Variants in CTNNA3 observed in about 807,000 individuals in gnomAD.
CTNNA3 encodes catenin alpha 3.
CTNNA3 carries 76 observed loss-of-function variants against 95.7 expected under a neutral mutation model. That is an observed-to-expected ratio of 0.79 (90% CI 0.66 to 0.96). The LOEUF is 0.96. CTNNA3 is among the 40% of genes least tolerant of loss of function. The pLI is 0.00. For synonymous variants in CTNNA3, 431 were observed against 374.4 expected (o/e 1.15, Z -1.74); for missense variants, 1,191 against 1,089.8 (o/e 1.09, Z -1.31).
At chr10:66,063,832 T>C (rs1231876822) in intron 15 of CTNNA3, among the ~76,000 whole-genome samples, 1 of 152,146 alleles carries the variant, frequency 6.6e-6, no homozygotes, top group Non-Finnish European at 1.5e-5. Flanking sequence ...ATGCATATAA[T>C]GCATATAATT....
At chr10:66,382,666 G>T (rs1017774697) in intron 11 of CTNNA3, among the ~76,000 whole-genome samples, 5 of 152,182 alleles carry the variant, frequency 3.3e-5, no homozygotes, top group Non-Finnish European at 5.9e-5. Context: ...GCCTAACTGG[G>T]AGACACCTCC....
intron 5 of CTNNA3, among the ~76,000 whole-genome samples, chr10:67,233,180 C>T (rs1865301055): frequency 6.6e-6 from 1 of 152,238 alleles, no homozygotes; most frequent in African/African-American, 2.4e-5. Context: ...ATCTACAGAA[C>T]TCTCCACCCC....
rs571378268 is a variant in CTNNA3 at position 66,123,184 on chromosome 10, T to C, written c.1885-19935A>G. ...AATCAAAGGCAAGTTAGTTACTTCC[T>C]AGAAACAATGGAGGTTCAGGCATTG... is the stretch of plus-strand genomic sequence containing the variant. On this transcript the variant is annotated intron_variant, in intron 13 of 17. Transcript: ENST00000433211. Among the ~76,000 whole-genome samples the C allele has an allele frequency of 4.6e-5, 7 of 152,298 alleles. No individual in the cohort carries two copies. The South Asian group carries it at 1.4e-3, about 32-fold the overall frequency.
At chr10:66,819,723 TACAA>T (rs1842231548) in intron 7 of CTNNA3, among the ~76,000 whole-genome samples, 1 of 152,268 alleles carries the variant, frequency 6.6e-6, no homozygotes, top group African/African-American at 2.4e-5. Context: ...AAATGGTCAA[TACAA>T]ACAGATACTC....
chr10:67,161,557 A>G (rs1468031743), intron 7 of CTNNA3, among the ~76,000 whole-genome samples: 1 of 152,016 alleles, frequency 6.6e-6, no homozygotes, highest in Non-Finnish European at 1.5e-5. Context: ...CTATAGACAC[A>G]TCAAAAAAGA....
intron 7 of CTNNA3, among the ~76,000 whole-genome samples, chr10:67,113,529 G>A (rs947320945): frequency 2.0e-5 from 3 of 152,210 alleles, no homozygotes; most frequent in South Asian, 2.1e-4. Flanking sequence ...TCAGGTGATC[G>A]GTTAGAGTCC....
intron 1 of CTNNA3, among the ~76,000 whole-genome samples, chr10:67,676,680 T>C (rs147895881): frequency 1.4e-4 from 21 of 152,288 alleles, no homozygotes; most frequent in Middle Eastern, 3.4e-3. Context: ...TGATGGAAGC[T>C]GACTCCCCAT....
At chr10:66,413,287 C>T (rs2093122570) in intron 11 of CTNNA3, among the ~76,000 whole-genome samples, 1 of 152,008 alleles carries the variant, frequency 6.6e-6, no homozygotes, top group African/African-American at 2.4e-5. Flanking sequence ...ATCTCAGGTA[C>T]CACTCCGGAT....
chr10:66,396,137 A>T (rs1436383712), intron 11 of CTNNA3, among the ~76,000 whole-genome samples: 1 of 152,042 alleles, frequency 6.6e-6, no homozygotes, highest in Non-Finnish European at 1.5e-5. Context: ...TAATGGCTGC[A>T]TAGTATTCCA....
chr10:66,268,867 T>C lies in CTNNA3; in HGVS notation c.1884+11603A>G, dbSNP rs546161016. Among the ~76,000 whole-genome samples the C allele has an allele frequency of 2.6e-5, 4 of 152,288 alleles. No individual in the cohort carries two copies. In the East Asian group the frequency reaches 5.8e-4, roughly 22 times the overall value. On this transcript the variant is annotated intron_variant, in intron 13 of 17. Transcript: ENST00000433211. ...CTGCAGTGACATGGAGGCCAGCTTA[T>C]ACAGATGGCAAAATCACAAGATTGA...
At chr10:67,037,662 T>C (rs556319759) in intron 7 of CTNNA3, among the ~76,000 whole-genome samples, 2 of 152,270 alleles carry the variant, frequency 1.3e-5, no homozygotes, top group African/African-American at 4.8e-5. Context: ...AGGAACTAAG[T>C]AGAAAGTTAC....
intron 5 of CTNNA3, among the ~76,000 whole-genome samples, chr10:67,326,736 G>T (rs1841553209): frequency 6.6e-6 from 1 of 152,140 alleles, no homozygotes; most frequent in African/African-American, 2.4e-5. Context: ...GTATCTTAGG[G>T]GTTCTCTGCA....
chr10:66,948,427 T>C (rs774745451), intron 7 of CTNNA3, among the ~76,000 whole-genome samples: 2 of 152,162 alleles, frequency 1.3e-5, no homozygotes, highest in African/African-American at 2.4e-5. Flanking sequence ...CGTAACAACA[T>C]GGAGATGCGT....
chr10:65,986,380 T>C (rs779599071), intron 16 of CTNNA3, among the ~76,000 whole-genome samples: 27 of 145,900 alleles, frequency 1.9e-4, no homozygotes, highest in Non-Finnish European at 3.3e-4. Flanking sequence ...TTGAAGGATA[T>C]CAAATCAACC....
chr10:67,228,575 T>G (rs1326371621), intron 5 of CTNNA3, among the ~76,000 whole-genome samples: 2 of 151,904 alleles, frequency 1.3e-5, no homozygotes, highest in South Asian at 2.1e-4. Flanking sequence ...ATCGTGCCAC[T>G]GCACTCCAGC....
intron 10 of CTNNA3, among the ~76,000 whole-genome samples, chr10:66,548,572 G>A (rs1842110848): frequency 6.6e-6 from 1 of 152,010 alleles, no homozygotes; most frequent in Non-Finnish European, 1.5e-5. Flanking sequence ...TTTGTCAGAT[G>A]TCATTTATCA....
intron 7 of CTNNA3, among the ~76,000 whole-genome samples, chr10:67,173,688 G>C (rs1862113052): frequency 6.6e-6 from 1 of 152,094 alleles, no homozygotes; most frequent in African/African-American, 2.4e-5. Context: ...CTTCATGCCA[G>C]GATTCTTGAT....
chr10:66,010,983 A>G (rs1265144693), intron 15 of CTNNA3, among the ~76,000 whole-genome samples: 5 of 152,204 alleles, frequency 3.3e-5, no homozygotes, highest in Non-Finnish European at 7.3e-5. Context: ...AGCAATGAAT[A>G]GGTTAATGTC....
At chr10:67,010,875 C>T (rs1241744787) in intron 7 of CTNNA3, among the ~76,000 whole-genome samples, 2 of 152,128 alleles carry the variant, frequency 1.3e-5, no homozygotes, top group Non-Finnish European at 1.5e-5. Flanking sequence ...AATTATACTC[C>T]TTTATGGTTA....
Sources: allele counts gnomAD v4.1 joint callset (sites outside exome capture counted in the v4.1 genomes callset), GRCh38; gene constraint gnomAD v4.1.1; transcripts MANE v1.5; gene names NCBI Gene and HGNC (gene_info 2026-07-23, HGNC 2026-07-21).